FOXP1: variants seen among roughly 807,000 people sequenced by gnomAD.
The protein encoded by FOXP1 is forkhead box protein P1.
A neutral mutation model predicts 98.2 loss-of-function variants in FOXP1; 15 were observed. The ratio of observed to expected loss-of-function variants is 0.15; its 90% CI spans 0.10 to 0.24. The LOEUF (loss-of-function observed/expected upper bound fraction) is 0.24. FOXP1 is among the 10% of genes least tolerant of loss of function. FOXP1 has a pLI of 1.00. For synonymous variants in FOXP1, 371 were observed against 314.5 expected, an observed-to-expected ratio of 1.18 and a Z score of -1.90; for missense variants, 633 against 848.5, an observed-to-expected ratio of 0.75 and a Z score of 3.15.
chr3:71,153,242 G>C (rs1318904416), intron 6 of FOXP1, among the ~76,000 whole-genome samples: 1 of 152,152 alleles, frequency 6.6e-6, no homozygotes, highest in African/African-American at 2.4e-5. Flanking sequence ...GCAGAGCTCA[G>C]GCTAGTGAAT....
intron 3 of FOXP1, among the ~76,000 whole-genome samples, chr3:71,441,274 G>A (rs932760835): frequency 6.6e-6 from 1 of 152,232 alleles, no homozygotes; most frequent in Non-Finnish European, 1.5e-5. Flanking sequence ...CATACATGTG[G>A]AAATGTCTGG....
chr3:71,083,316 C>CA (rs1360742953), intron 7 of FOXP1, among the ~76,000 whole-genome samples: 8 of 152,164 alleles, frequency 5.3e-5, no homozygotes, highest in African/African-American at 1.9e-4. Flanking sequence ...CCACCATGAG[C>CA]AAAAGTTCCC....
Position 71,446,017 on chromosome 3 carries a change from C to T in FOXP1, c.-168+47409G>A, listed in dbSNP as rs188290998. Among the ~76,000 whole-genome samples the T allele has an allele frequency of 6.8e-3, 1,035 of 151,574 alleles. 6 individuals are homozygous for T. Among genetic ancestry groups the T allele is most frequent in the Non-Finnish European group, 1.0e-2 (678 of 67,964 alleles). On this transcript the variant is annotated intron_variant, in intron 3 of 20. Transcript: ENST00000649528. Reference sequence around the variant, plus strand: ...TGTGTCTTTTAACACATACAAGTATCTATTGAAAACAACTCATAGGTGAGT... The same window carrying T: ...TGTGTCTTTTAACACATACAAGTATTTATTGAAAACAACTCATAGGTGAGT...
chr3:71,233,330 A>G (rs1342030421), intron 5 of FOXP1, among the ~76,000 whole-genome samples: 7 of 152,154 alleles, frequency 4.6e-5, no homozygotes, highest in African/African-American at 1.7e-4. Flanking sequence ...GGTCCAACTC[A>G]TAAAAAACTG....
At chr3:71,458,783 C>G (rs1428054689) in intron 3 of FOXP1, among the ~76,000 whole-genome samples, 1 of 152,194 alleles carries the variant, frequency 6.6e-6, no homozygotes, top group Non-Finnish European at 1.5e-5. Flanking sequence ...CCAAATTACA[C>G]AGGTATAATT....
rs189166708 is a variant in FOXP1, at chr3:71,564,773, G to A, written c.-298+16776C>T. Among the ~76,000 whole-genome samples the A allele has an allele frequency of 1.3e-4, 20 of 152,326 alleles. No homozygotes were observed. The South Asian group carries it at 2.1e-3, about 16-fold the overall frequency. On this transcript the variant is annotated intron_variant, in intron 2 of 20. Coordinates refer to ENST00000649528, the MANE Select transcript of FOXP1 (RefSeq NM_001349338.3). The stretch of plus-strand genomic sequence containing the variant: ...ACGGGCAGACAATCATTTTGGGGAA[G>A]TTATTTCCATAACATTTTTGGAGGA...
intron 16 of FOXP1, among the ~76,000 whole-genome samples, chr3:70,977,246 T>C (rs1281603395): frequency 1.3e-5 from 2 of 152,104 alleles, no homozygotes; most frequent in African/African-American, 4.8e-5. Context: ...TGAGTTTTTA[T>C]TTCTGTTTCC....
intron 4 of FOXP1, among the ~76,000 whole-genome samples, chr3:71,348,536 TGTGTGTGTGTGTGCGTGC>T (rs1560348897): frequency 4.3e-4 from 29 of 66,914 alleles, no homozygotes; most frequent in Non-Finnish European, 1.1e-3. Flanking sequence ...TGTGTGTGTG[TGTGTGTGTGTGTGCGTGC>T]GCGCGCGCAC....
At chr3:71,489,180 CA>C (rs1026993393) in intron 3 of FOXP1, among the ~76,000 whole-genome samples, 18 of 152,124 alleles carry the variant, frequency 1.2e-4, no homozygotes, top group African/African-American at 4.3e-4. Flanking sequence ...AACTCCCAGC[CA>C]AAAAAGTAGC....
intron 7 of FOXP1, among the ~76,000 whole-genome samples, chr3:71,073,621 A>G (rs953136603): frequency 2.0e-5 from 3 of 152,210 alleles, no homozygotes; most frequent in African/African-American, 2.4e-5. Flanking sequence ...TAAAGTGGGA[A>G]TGATTATCTG....
At position 71,505,577 on chromosome 3, in the gene FOXP1, C is replaced by T. The variant is rs567923727; in HGVS notation, c.-297-12022G>A. Among the ~76,000 whole-genome samples the T allele has an allele frequency of 1.6e-4, 24 of 152,186 alleles. No individual in the cohort carries two copies. In the South Asian group the frequency reaches 3.9e-3, roughly 25 times the overall value. ...AGTAGCTGGGATTACAGGCGCTTGC[C>T]GCCACGCCCGGCTAAATTTTTGTAT... On this transcript the variant is annotated intron_variant, in intron 2 of 20. Coordinates refer to ENST00000649528, the MANE Select transcript of FOXP1 (RefSeq NM_001349338.3).
intron 2 of FOXP1, among the ~76,000 whole-genome samples, chr3:71,524,539 T>TAA (rs35974535): frequency 2.3e-5 from 3 of 128,898 alleles, no homozygotes; most frequent in African/African-American, 8.5e-5. Flanking sequence ...AAATAAATCT[T>TAA]AAAAAAAAAA....
At chr3:71,045,086 C>G (rs570205132) in intron 10 of FOXP1, among the ~76,000 whole-genome samples, 1 of 152,188 alleles carries the variant, frequency 6.6e-6, no homozygotes, top group Non-Finnish European at 1.5e-5. Context: ...GTTCACTTTA[C>G]TGCAAGAACC....
intron 4 of FOXP1, among the ~76,000 whole-genome samples, chr3:71,356,214 A>T (rs1577110115): frequency 1.4e-5 from 1 of 71,156 alleles, no homozygotes; most frequent in Non-Finnish European, 2.8e-5. Flanking sequence ...TGACTAAGTC[A>T]AAAAAAAAAA....
chr3:71,426,147 ACT>A (rs1323649350), intron 3 of FOXP1, among the ~76,000 whole-genome samples: 1 of 152,202 alleles, frequency 6.6e-6, no homozygotes, highest in African/African-American at 2.4e-5. Context: ...AAAACAGGGC[ACT>A]CTGGAAATGC....
chr3:70,995,280 G>GTCTATCAAA, intron 13 of FOXP1, among the ~76,000 whole-genome samples: 1 of 152,256 alleles, frequency 6.6e-6, no homozygotes, highest in African/African-American at 2.4e-5. Flanking sequence ...TTACAATCCT[G>GTCTATCAAA]GCCATGGCAT....
intron 3 of FOXP1, among the ~76,000 whole-genome samples, chr3:71,404,319 G>A (rs1227406231): frequency 1.3e-5 from 2 of 151,490 alleles, no homozygotes; most frequent in Non-Finnish European, 2.9e-5. Flanking sequence ...TAGAGACAGG[G>A]TTTCTCCATG....
At chr3:70,998,941 G>A (rs886832048) in intron 13 of FOXP1, among the ~76,000 whole-genome samples, 3 of 152,098 alleles carry the variant, frequency 2.0e-5, no homozygotes, top group African/African-American at 4.8e-5. Flanking sequence ...GTCTAGAAAC[G>A]GCTACCCGAC....
intron 7 of FOXP1, among the ~76,000 whole-genome samples, chr3:71,088,400 GTTT>G (rs539363748): frequency 1.4e-5 from 2 of 140,908 alleles, no homozygotes; most frequent in Non-Finnish European, 1.6e-5. Context: ...TTTGTTTTTT[GTTT>G]TTTTTTTTTT....
Sources: gnomAD v4.1 joint callset for allele counts (sites outside exome capture counted in the v4.1 genomes callset) on GRCh38, gnomAD v4.1.1 for gene constraint, MANE v1.5 for transcripts, NCBI Gene and HGNC (gene_info 2026-07-23, HGNC 2026-07-21) for gene names.